FAM3D: variants seen among roughly 807,000 people sequenced by gnomAD.
FAM3D encodes the protein protein FAM3D.
A neutral mutation model predicts 29.8 loss-of-function variants in FAM3D; 26 were observed. The observed-to-expected ratio is 0.87, with a 90% CI of 0.64 to 1.21. The LOEUF (loss-of-function observed/expected upper bound fraction) is 1.21, where lower values mean the gene tolerates loss of function less well. FAM3D is among the 50% of genes most tolerant of loss of function. FAM3D has a pLI of 0.00. For missense variants in FAM3D, 253 were observed against 290.9 expected (o/e 0.87, Z 0.95); for synonymous variants, 115 against 102.3 (o/e 1.12, Z -0.75).
chr3:58,645,717 C>T (rs1221377759), intron 4 of FAM3D, 91 bp from the exon 5 acceptor site: 5 of 1,090,976 alleles, frequency 4.6e-6, no homozygotes, highest in Non-Finnish European at 7.0e-6. Flanking sequence ...GGCCAGGGCG[C>T]AGCTTGGGAT....
rs369608368 is a variant in FAM3D at position 58,643,758 on chromosome 3, G to T, written c.264-38C>A. 19 of 1,601,464 alleles carry T rather than the reference G, an allele frequency of 1.2e-5. No homozygotes were observed. In the African/African-American group the frequency reaches 2.5e-4, roughly 21 times the overall value. ...AAGAAGAAATATGACAGTCGGTCCCGAGTGTGGAATGAACACTCTGCTCTC... is the reference window on the plus strand; with the variant it reads ...AAGAAGAAATATGACAGTCGGTCCCTAGTGTGGAATGAACACTCTGCTCTC... On this transcript the variant is annotated intron_variant, in intron 5 of 9. Coordinates refer to ENST00000358781, the MANE Select transcript of FAM3D (RefSeq NM_138805.3).
In FAM3D at chr3:58,645,700, G is replaced by C. The variant is rs2066459172; in HGVS notation, c.146-74C>G. The stretch of plus-strand genomic sequence containing the variant: ...TTGGGGGAGAAGGAGGGGAGGGCCA[G>C]GGCTAGGGCCAGGGCGCAGCTTGGG... On this transcript the variant is annotated intron_variant, in intron 4 of 9. Coordinates refer to ENST00000358781, the MANE Select transcript of FAM3D (RefSeq NM_138805.3). 4.9e-6 allele frequency: 6 copies of C among 1,221,788 alleles called. No individual in the cohort carries two copies. The Admixed American group carries it at 1.1e-4, about 21-fold the overall frequency. 75.7% of individuals were successfully genotyped at this position (1,221,788 alleles called of 1,614,324 possible).
chr3:58,654,779 T>C (rs974466785), intron 2 of FAM3D, among the ~76,000 whole-genome samples: 5 of 152,254 alleles, frequency 3.3e-5, no homozygotes, highest in Admixed American at 3.3e-4. Flanking sequence ...CGCCGGGTCC[T>C]GTGGGGTGGG....
At chr3:58,640,474 A>G (rs1213130218) in intron 6 of FAM3D, among the ~76,000 whole-genome samples, 3 of 152,188 alleles carry the variant, frequency 2.0e-5, no homozygotes, top group African/African-American at 7.2e-5. Context: ...TTTGACCTCA[A>G]TTTTTGCATC....
At chr3:58,637,061 G>C (rs912069332) in intron 8 of FAM3D, 80 bp downstream of exon 8, 2 of 1,223,102 alleles carry the variant, frequency 1.6e-6, no homozygotes, top group Non-Finnish European at 2.4e-6. Flanking sequence ...TCTGGCAAAA[G>C]AGCAGAAAAG....
At chr3:58,665,935 A>G (rs912750216) in intron 1 of FAM3D, among the ~76,000 whole-genome samples, 4 of 152,222 alleles carry the variant, frequency 2.6e-5, no homozygotes, top group African/African-American at 7.2e-5. Context: ...TCTCTCTCCC[A>G]TTTTACAGAT....
intron 7 of FAM3D, 100 bp from the exon 8 acceptor site, chr3:58,637,325 C>T (rs1035179469): frequency 3.0e-5 from 33 of 1,090,780 alleles, no homozygotes; most frequent in Middle Eastern, 3.0e-4. Context: ...CAGCTAGGCC[C>T]GGTGGACACT....
At chr3:58,642,047 C>A (rs2066348973) in intron 6 of FAM3D, among the ~76,000 whole-genome samples, 1 of 152,164 alleles carries the variant, frequency 6.6e-6, no homozygotes, top group South Asian at 2.1e-4. Flanking sequence ...TGGGGTCTGG[C>A]ATGCACAAAA....
chr3:58,647,798 C>T (rs1408028900), intron 4 of FAM3D, among the ~76,000 whole-genome samples: 6 of 152,196 alleles, frequency 3.9e-5, no homozygotes. Context: ...TGCTGTTGCT[C>T]AGAGCATGGA....
At chr3:58,662,304 T>C (rs4020782) in intron 1 of FAM3D, among the ~76,000 whole-genome samples, 121,339 of 151,880 alleles carry the variant, frequency 0.8, 49,818 homozygotes, top group Non-Finnish European at 0.9. Flanking sequence ...TTGACCTCTT[T>C]AATTAACCAA....
chr3:58,638,120 G>T (rs2066227509), intron 7 of FAM3D, among the ~76,000 whole-genome samples: 1 of 152,142 alleles, frequency 6.6e-6, no homozygotes, highest in South Asian at 2.1e-4. Flanking sequence ...CCAACCTCAG[G>T]TGATCTGCCT....
rs188308731 is a variant in FAM3D, at chr3:58,635,966, G to A, written c.585+328C>T. ...TCCTTTCCCCGGGATCCCCTTCCCC[G>A]CCACACAGCTCCATGTCTCCATTTC... is the stretch of plus-strand genomic sequence containing the variant. On this transcript the variant is annotated intron_variant, in intron 9 of 9. Transcript: ENST00000358781. This position sits in a 1 kb window ranked among gnomAD's most constrained non-coding sequence, Gnocchi z 5.2. 1.6e-4 allele frequency among the ~76,000 whole-genome samples: 24 copies of A among 152,296 alleles called. No individual in the cohort carries two copies. Among genetic ancestry groups the A allele is most frequent in the East Asian group, 9.7e-4 (5 of 5,176 alleles).
In FAM3D at chr3:58,652,870, A is replaced by ATCTGTCCG. The variant is rs1559504821; in HGVS notation, c.121+803_121+804insCGGACAGA. On this transcript the variant is annotated intron_variant, in intron 3 of 9. Coordinates refer to ENST00000358781, the MANE Select transcript of FAM3D (RefSeq NM_138805.3). Reference sequence around the variant, plus strand: ...CATCTGTCCATCCATCTGTCCATCCATCCATCCATCCATCCATCCATCCAT... The same window carrying ATCTGTCCG: ...CATCTGTCCATCCATCTGTCCATCCATCTGTCCGTCCATCCATCCATCCATCCATCCAT... Among the ~76,000 whole-genome samples the ATCTGTCCG allele has an allele frequency of 5.1e-3, 751 of 148,572 alleles. 7 individuals carry two copies. Among genetic ancestry groups the ATCTGTCCG allele is most frequent in the Middle Eastern group, 0.019 (5 of 260 alleles).
rs2066445227 is a variant in FAM3D, at chr3:58,645,359, ATTG to A, written c.263+147_263+149del. The A allele has an allele frequency of 5.6e-5, 30 of 531,106 alleles. 1 individual carries two copies. The East Asian group carries it at 7.1e-4, about 13-fold the overall frequency. 32.9% of individuals were successfully genotyped at this position (531,106 alleles called of 1,614,324 possible). On this transcript the variant is annotated intron_variant, in intron 5 of 9. Transcript: ENST00000358781. ...GGTGGATGTGGGAGCTGTTTCAATT[ATTG>A]TTATTTGTGCCTCACACACCCAGAG... is the stretch of plus-strand genomic sequence containing the variant.
chr3:58,659,423 C>T (rs778696028), intron 1 of FAM3D, among the ~76,000 whole-genome samples: 3 of 152,216 alleles, frequency 2.0e-5, no homozygotes, highest in Non-Finnish European at 2.9e-5. Flanking sequence ...TCAACCATGA[C>T]CTGTCCCAGA....
intron 6 of FAM3D, among the ~76,000 whole-genome samples, chr3:58,643,010 C>A (rs934096688): frequency 6.6e-6 from 1 of 152,208 alleles, no homozygotes; most frequent in African/African-American, 2.4e-5. Flanking sequence ...TCCTGGCCAG[C>A]GCCCACAATC....
chr3:58,642,636 C>A (rs2066366312), intron 6 of FAM3D, among the ~76,000 whole-genome samples: 1 of 152,318 alleles, frequency 6.6e-6, no homozygotes, highest in East Asian at 1.9e-4. Context: ...CGTGTCCCTA[C>A]TTCAGGCTTG....
rs2066770499 is a variant in FAM3D, at chr3:58,655,569, C to G, written c.-6G>C. 5 of 1,613,266 alleles carry G rather than the reference C, an allele frequency of 3.1e-6. No homozygotes were observed. The highest frequency in any genetic ancestry group is 4.2e-6 in the Non-Finnish European group (5 of 1,179,568). ...AGCCTACCTGACACTCTCATCCTGT[C>G]CAGGTGAAGGGTGGCTTGGGGTCAG... On this transcript the variant is annotated 5_prime_UTR_variant, in exon 2 of 10. Transcript: ENST00000358781.
chr3:58,639,071 C>T (rs1019238585), intron 7 of FAM3D, among the ~76,000 whole-genome samples: 1 of 152,194 alleles, frequency 6.6e-6, no homozygotes, highest in Non-Finnish European at 1.5e-5. Flanking sequence ...CCCCATCAGC[C>T]GTGGCTACAT....
Sources: gnomAD v4.1 joint callset for allele counts (sites outside exome capture counted in the v4.1 genomes callset) on GRCh38, gnomAD v4.1.1 for gene constraint, Gnocchi (gnomAD v3.1) non-coding constraint, MANE v1.5 for transcripts, NCBI Gene and HGNC (gene_info 2026-07-23, HGNC 2026-07-21) for gene names.